Variants in ZMYND15 observed in about 807,000 individuals in gnomAD.
The protein encoded by ZMYND15 is zinc finger MYND-type containing 15, also known as zinc finger MYND domain-containing protein 15.
In ZMYND15, 54 loss-of-function variants were observed where a neutral mutation model predicts 81.7. The observed-to-expected ratio is 0.66, with a 90% confidence interval of 0.53 to 0.83. ZMYND15 has a LOEUF of 0.83. Ranked by LOEUF, ZMYND15 falls within the 40% of genes least tolerant of loss-of-function variation. The pLI, the probability that ZMYND15 is intolerant of heterozygous loss-of-function variation, is 0.00. For missense variants in ZMYND15, 925 were observed against 973.5 expected (o/e 0.95, Z 0.66); for synonymous variants, 399 against 387.0 (o/e 1.03, Z -0.36).
rs1916559851 is a variant in ZMYND15 at position 4,744,144 on chromosome 17, G to A, written c.1495+37G>A. The A allele has an allele frequency of 6.2e-7, 1 of 1,613,078 alleles. No individual in the cohort carries two copies. The highest frequency in any genetic ancestry group is 1.1e-5 in the South Asian group (1 of 90,972). On this transcript the variant is annotated intron_variant, in intron 8 of 13. Transcript: ENST00000433935. This position sits in a 1 kb window ranked among gnomAD's most constrained non-coding sequence, Gnocchi z 4.1. Reference sequence around the variant, plus strand: ...GGAGTGGGGGGTGGAGCAGGATGGGGGAGTGAGAGTGGACCACATCCTTAA... The same window carrying A: ...GGAGTGGGGGGTGGAGCAGGATGGGAGAGTGAGAGTGGACCACATCCTTAA...
rs2150632443 is a variant in ZMYND15, at chr17:4,745,517, T to C, written c.2057+142T>C. The C allele has an allele frequency of 1.0e-6, 1 of 968,008 alleles. No homozygotes were observed. The highest frequency in any genetic ancestry group is 1.5e-6 in the Non-Finnish European group (1 of 664,600). 60.0% of individuals were successfully genotyped at this position (968,008 alleles called of 1,614,324 possible). On this transcript the variant is annotated intron_variant, in intron 13 of 13. Transcript: ENST00000433935. This position sits in a 1 kb window ranked among gnomAD's most constrained non-coding sequence, Gnocchi z 5.2. ...CCAGCCCAGCAACCTGCCTTCTCTGTCCCCACTACTCGTCGCCCCCATGGG... is the reference window on the plus strand; with the variant it reads ...CCAGCCCAGCAACCTGCCTTCTCTGCCCCCACTACTCGTCGCCCCCATGGG...
chr17:4,740,968 A>G lies in ZMYND15; in HGVS notation c.420A>G (p.Glu140=). The part of the protein sequence containing the change: ...DGGAGSTEKV[E]PEEDRELAPT... ...GTGCAGGCAGCACAGAGAAGGTGGAACCAGAGGAGGACCGGGAGCTAGCCC... is the reference window on the plus strand; with the variant it reads ...GTGCAGGCAGCACAGAGAAGGTGGAGCCAGAGGAGGACCGGGAGCTAGCCC... The change falls in exon 2 of 14, where the codon GAA becomes GAG. Residue 140 remains glutamate (E), a synonymous_variant. Transcript: ENST00000433935. The G allele has an allele frequency of 1.3e-6, 2 of 1,569,990 alleles. No homozygotes were observed.
chr17:4,744,709 G>T lies in ZMYND15; in HGVS notation c.1768G>T (p.Asp590Tyr), dbSNP rs575390756. 6.2e-7 allele frequency: 1 copy of T among 1,614,120 alleles called. No individual in the cohort carries two copies. The highest frequency in any genetic ancestry group is 1.3e-5 in the African/African-American group (1 of 75,044). Residue 590 changes from aspartate (D) to tyrosine (Y), a missense_variant, in exon 11 of 14, where the codon GAC becomes TAC. Asp to Tyr is a radical substitution (Grantham distance 160). Coordinates refer to ENST00000433935, the MANE Select transcript of ZMYND15 (RefSeq NM_001136046.3). This position sits in a 1 kb window ranked among gnomAD's most constrained non-coding sequence, Gnocchi z 4.1. ...SGTKEKGGRR[D>Y]LQIKVSARPY... ...CACTAAGGAGAAAGGGGGCCGCAGG[G>T]ACCTGCAGATCAAGGTGTCAGCAAG...
chr17:4,745,311 C>A lies in ZMYND15; in HGVS notation c.1993C>A (p.Pro665Thr). 1 of 1,613,570 alleles carries A rather than the reference C, an allele frequency of 6.2e-7. No homozygotes were observed. The highest frequency in any genetic ancestry group is 8.5e-7 in the Non-Finnish European group (1 of 1,179,790). The change falls in exon 13 of 14, where the codon CCT becomes ACT. Residue 665 changes from proline (P) to threonine (T), a missense_variant. Transcript: ENST00000433935. This position sits in a 1 kb window ranked among gnomAD's most constrained non-coding sequence, Gnocchi z 5.2. ...GGTGGCCACTGGAGGGGGCACCAGC[C>A]CTCCCCAGCCCAACCCCTTCCGCTC... ...MAVATGGGTS[P>T]PQPNPFRSPF...
In ZMYND15 at chr17:4,743,147, G is replaced by C. The variant is rs1419639387; in HGVS notation, c.1145-156G>C. Among the ~76,000 whole-genome samples the C allele has an allele frequency of 1.3e-5, 2 of 151,980 alleles. No homozygotes were observed. The highest frequency in any genetic ancestry group is 2.9e-5 in the Non-Finnish European group (2 of 68,004). On this transcript the variant is annotated intron_variant, in intron 5 of 13. Transcript: ENST00000433935. This position sits in a 1 kb window ranked among gnomAD's most constrained non-coding sequence, Gnocchi z 4.3. ...CACAATTCTCGGGAGACTGAGGTGG[G>C]AGAATCGTTTGAGTCCAAGAGGTCG...
In ZMYND15 at chr17:4,741,962, C is replaced by A. The variant is rs781462159; in HGVS notation, c.875C>A (p.Thr292Asn). 3.1e-6 allele frequency: 5 copies of A among 1,614,214 alleles called. No homozygotes were observed. Among genetic ancestry groups the A allele is most frequent in the Non-Finnish European group, 4.2e-6 (5 of 1,180,044 alleles). Residue 292 changes from threonine to asparagine, a missense_variant, in exon 4 of 14, where the codon ACC becomes AAC. By Grantham distance (65) the Thr-to-Asn change is moderately conservative. Transcript: ENST00000433935. ...AGGCTAGGTGTGAAGTTAGCCAAAA[C>A]CCCAATGCGGACATGGGGTCCCCGG... Reference protein sequence around the residue: ...VPRLGVKLAKTPMRTWGPRPG... With the variant: ...VPRLGVKLAKNPMRTWGPRPG...
rs1219324067 is a variant in ZMYND15, at chr17:4,745,773, G to GGGAGC, written c.2058-42_2058-41insCGGAG. 1.3e-6 allele frequency: 2 copies of GGGAGC among 1,517,376 alleles called. No individual in the cohort carries two copies. 94.0% of individuals were successfully genotyped at this position (1,517,376 alleles called of 1,614,324 possible). A position where few individuals can be genotyped will look rare whatever the true frequency, so the allele number is the denominator to read the frequency against. On this transcript the variant is annotated intron_variant, in intron 13 of 13. Coordinates refer to ENST00000433935, the MANE Select transcript of ZMYND15 (RefSeq NM_001136046.3). The surrounding 1 kb of genome is among the most constrained non-coding windows in gnomAD (Gnocchi z 5.2). ...CCGACCCCTGGGAGCGCCGACCCCT[G>GGGAGC]GGAGTCCCGCCCCGTGGTCCCTGAC... is the stretch of plus-strand genomic sequence containing the variant.
In ZMYND15 at chr17:4,743,090, A is replaced by C. The variant is rs571223859; in HGVS notation, c.1145-213A>C. ...CTCTGTCTCTACAAAAAATAGAAAA[A>C]ATTAGTCAGGCATGGTGCACTCGCT... is the stretch of plus-strand genomic sequence containing the variant. On this transcript the variant is annotated intron_variant, in intron 5 of 13. Transcript: ENST00000433935. This position sits in a 1 kb window ranked among gnomAD's most constrained non-coding sequence, Gnocchi z 4.3. Among the ~76,000 whole-genome samples the C allele has an allele frequency of 6.6e-6, 1 of 151,994 alleles. No individual in the cohort carries two copies. Among genetic ancestry groups the C allele is most frequent in the Admixed American group, 6.6e-5 (1 of 15,260 alleles).
At position 4,745,972 on chromosome 17, in the gene ZMYND15, G is replaced by A. The variant is rs1379069880; in HGVS notation, c.2211G>A (p.Gly737=). 4.8e-6 allele frequency: 7 copies of A among 1,444,588 alleles called. No individual in the cohort carries two copies. The African/African-American group carries it at 6.0e-5, about 12-fold the overall frequency. The allele number at this position is 1,444,588 out of a possible 1,614,324, so 89.5% of individuals were successfully genotyped here. The change falls in exon 14 of 14, where the codon GGG becomes GGA. Residue 737 remains glycine, a synonymous_variant. Coordinates refer to ENST00000433935, the MANE Select transcript of ZMYND15 (RefSeq NM_001136046.3). The surrounding 1 kb of genome is among the most constrained non-coding windows in gnomAD (Gnocchi z 5.2). The part of the protein sequence containing the change: ...RRRGEKKPGR[G]ARRRK ...GAGGAGAAAAGAAACCTGGGCGGGGGGCCCGCCGGCGGAAATGAATGCTGA... is the reference window on the plus strand; with the variant it reads ...GAGGAGAAAAGAAACCTGGGCGGGGAGCCCGCCGGCGGAAATGAATGCTGA...
In ZMYND15 at chr17:4,740,836, C is replaced by T. The variant is rs759503552; in HGVS notation, c.288C>T (p.His96=). The change falls in exon 2 of 14, where the codon CAC becomes CAT. Residue 96 remains histidine (H), a synonymous_variant. Transcript: ENST00000433935. ...AWLLGDNPPL[H]LRDLSPYISF... ...TCCTGGGAGACAACCCTCCACTCCA[C>T]CTGCGAGACCTGAGCCCCTACATCA... is the stretch of plus-strand genomic sequence containing the variant. 4.4e-6 allele frequency: 7 copies of T among 1,578,096 alleles called. No homozygotes were observed. The highest frequency in any genetic ancestry group is 6.0e-6 in the Non-Finnish European group (7 of 1,159,098).
rs1916628364 is a variant in ZMYND15, at chr17:4,745,618, G to A, written c.2058-201G>A. Among the ~76,000 whole-genome samples, 1 of 151,514 alleles carries A rather than the reference G, an allele frequency of 6.6e-6. No individual in the cohort carries two copies. The highest frequency in any genetic ancestry group is 1.5e-5 in the Non-Finnish European group (1 of 67,914). Reference sequence around the variant, plus strand: ...CTCCCCAACCCACAAAAGACCCCGCGACCCTCCAACAGACCCAACCCTGAG... The same window carrying A: ...CTCCCCAACCCACAAAAGACCCCGCAACCCTCCAACAGACCCAACCCTGAG... On this transcript the variant is annotated intron_variant, in intron 13 of 13. Coordinates refer to ENST00000433935, the MANE Select transcript of ZMYND15 (RefSeq NM_001136046.3). This position sits in a 1 kb window ranked among gnomAD's most constrained non-coding sequence, Gnocchi z 5.2.
chr17:4,745,101 G>T lies in ZMYND15; in HGVS notation c.1897-114G>T, dbSNP rs1916604098. On this transcript the variant is annotated intron_variant, in intron 12 of 13. Coordinates refer to ENST00000433935, the MANE Select transcript of ZMYND15 (RefSeq NM_001136046.3). This position sits in a 1 kb window ranked among gnomAD's most constrained non-coding sequence, Gnocchi z 5.2. Reference sequence around the variant, plus strand: ...CTGTGTCTGTCTCCGTCCTCCCCCTGCTCCCCTCCGCCCGGTCTGTCCGGG... The same window carrying T: ...CTGTGTCTGTCTCCGTCCTCCCCCTTCTCCCCTCCGCCCGGTCTGTCCGGG... The T allele has an allele frequency of 1.9e-6, 3 of 1,575,496 alleles. No individual in the cohort carries two copies. Among genetic ancestry groups the T allele is most frequent in the East Asian group, 2.2e-5 (1 of 44,668 alleles).
At position 4,745,242 on chromosome 17, in the gene ZMYND15, G is replaced by C. The variant is rs772574622; in HGVS notation, c.1924G>C (p.Glu642Gln). ...QSLRVPAFFT[E>Q]SSEYSCVMDG... ...CCTCCGAGTGCCAGCCTTCTTCACC[G>C]AGAGCAGCGAGTACAGCTGTGTGAT... The change falls in exon 13 of 14, where the codon GAG becomes CAG. Residue 642 changes from glutamate (E) to glutamine (Q), a missense_variant. By Grantham distance (29) the Glu-to-Gln change is conservative. Transcript: ENST00000433935. The surrounding 1 kb of genome is among the most constrained non-coding windows in gnomAD (Gnocchi z 5.2). 2.5e-6 allele frequency: 4 copies of C among 1,613,998 alleles called. No individual in the cohort carries two copies. Among genetic ancestry groups the C allele is most frequent in the Admixed American group, 1.7e-5 (1 of 60,002 alleles).
chr17:4,745,786 C>G lies in ZMYND15; in HGVS notation c.2058-33C>G. 6.4e-7 allele frequency: 1 copy of G among 1,561,968 alleles called. No individual in the cohort carries two copies. On this transcript the variant is annotated intron_variant, in intron 13 of 13. Coordinates refer to ENST00000433935, the MANE Select transcript of ZMYND15 (RefSeq NM_001136046.3). The surrounding 1 kb of genome is among the most constrained non-coding windows in gnomAD (Gnocchi z 5.2). ...GCGCCGACCCCTGGGAGTCCCGCCC[C>G]GTGGTCCCTGACTGCGCCCCGCGCC...
Position 4,745,865 on chromosome 17 carries a change from G to C in ZMYND15, c.2104G>C (p.Gly702Arg). ...IFHLVYKPAQ[G>R]SGARPAPGPP... is the part of the protein sequence containing the mutation. The stretch of plus-strand genomic sequence containing the variant: ...CCACCTGGTTTACAAGCCTGCTCAA[G>C]GGAGCGGGGCCCGCCCGGCGCCCGG... Residue 702 changes from glycine to arginine, a missense_variant, in exon 14 of 14, where the codon GGG becomes CGG. Gly to Arg is a moderately radical substitution (Grantham distance 125). Coordinates refer to ENST00000433935, the MANE Select transcript of ZMYND15 (RefSeq NM_001136046.3). The surrounding 1 kb of genome is among the most constrained non-coding windows in gnomAD (Gnocchi z 5.2). 1.9e-6 allele frequency: 3 copies of C among 1,592,764 alleles called. No homozygotes were observed. The highest frequency in any genetic ancestry group is 2.6e-6 in the Non-Finnish European group (3 of 1,171,214).
chr17:4,741,430 C>G, intron 2 of ZMYND15, 152 bp from the exon 3 acceptor site: 1 of 873,024 alleles, frequency 1.1e-6, no homozygotes, highest in East Asian at 2.5e-5. Flanking sequence ...CAGCTGTCCC[C>G]TTTAGAAGGA....
rs1413682544 is a variant in ZMYND15, at chr17:4,744,132, G to C, written c.1495+25G>C. 6.2e-7 allele frequency: 1 copy of C among 1,611,442 alleles called. No individual in the cohort carries two copies. Among genetic ancestry groups the C allele is most frequent in the African/African-American group, 1.3e-5 (1 of 74,790 alleles). On this transcript the variant is annotated intron_variant, in intron 8 of 13. Coordinates refer to ENST00000433935, the MANE Select transcript of ZMYND15 (RefSeq NM_001136046.3). This position sits in a 1 kb window ranked among gnomAD's most constrained non-coding sequence, Gnocchi z 4.1. ...TGTAAGGAGAGCGGAGTGGGGGGTG[G>C]AGCAGGATGGGGGAGTGAGAGTGGA...
intron 4 of ZMYND15, 92 bp from the exon 5 acceptor site, chr17:4,742,239 C>A: frequency 1.3e-6 from 2 of 1,553,458 alleles, no homozygotes; most frequent in South Asian, 2.3e-5. Context: ...ACAAACAGAC[C>A]GAGTGACATA....
chr17:4,740,032 A>T lies in ZMYND15; in HGVS notation c.-49A>T, dbSNP rs1916311418. On this transcript the variant is annotated 5_prime_UTR_variant, in exon 1 of 14. Coordinates refer to ENST00000433935, the MANE Select transcript of ZMYND15 (RefSeq NM_001136046.3). ...TCCACCGCGAGGTATTTACCTTCGA[A>T]AAGTGGTGGCGGCTGCAGGTACCGG... is the stretch of plus-strand genomic sequence containing the variant. 1.0e-6 allele frequency: 1 copy of T among 985,324 alleles called. No homozygotes were observed. Among genetic ancestry groups the T allele is most frequent in the African/African-American group, 1.7e-5 (1 of 57,196 alleles). 61.0% of individuals were successfully genotyped at this position (985,324 alleles called of 1,614,324 possible).
Sources: gnomAD v4.1 joint callset for allele counts (sites outside exome capture counted in the v4.1 genomes callset) on GRCh38, gnomAD v4.1.1 for gene constraint, Gnocchi (gnomAD v3.1) non-coding constraint, MANE v1.5 for transcripts, NCBI Gene and HGNC (gene_info 2026-07-23, HGNC 2026-07-21) for gene names.